Variants in ITFG1 observed in about 807,000 individuals in gnomAD.
The protein encoded by ITFG1 is integrin alpha FG-GAP repeat containing 1, also known as T-cell immunomodulatory protein.
A neutral mutation model predicts 81.8 loss-of-function variants in ITFG1; 34 were observed. That is an observed-to-expected ratio of 0.42 (90% CI 0.32 to 0.55). The LOEUF (loss-of-function observed/expected upper bound fraction) is 0.55. Ranked by LOEUF, ITFG1 falls within the 20% of genes least tolerant of loss-of-function variation. The probability of loss-of-function intolerance (pLI) is 0.17; values close to 1 mark genes in which losing one functional copy is unlikely to be tolerated. For missense variants in ITFG1, 672 were observed against 755.4 expected, an observed-to-expected ratio of 0.89 and a Z score of 1.29; for synonymous variants, 285 against 270.6, an observed-to-expected ratio of 1.05 and a Z score of -0.52.
At chr16:47,439,121 T>C (rs777553066) in intron 5 of ITFG1, among the ~76,000 whole-genome samples, 13 of 151,874 alleles carry the variant, frequency 8.6e-5, no homozygotes, top group South Asian at 2.1e-4. Context: ...GAAGCGTGAA[T>C]AGAAGTTTAG....
At chr16:47,256,533 T>C (rs1966141672) in intron 12 of ITFG1, among the ~76,000 whole-genome samples, 1 of 152,206 alleles carries the variant, frequency 6.6e-6, no homozygotes, top group Non-Finnish European at 1.5e-5. Flanking sequence ...ACTCCAAAAT[T>C]AACATCATAC....
chr16:47,159,519 C>T (rs760461913), intron 16 of ITFG1, among the ~76,000 whole-genome samples: 28 of 152,120 alleles, frequency 1.8e-4, no homozygotes, highest in Non-Finnish European at 2.9e-5. Context: ...GGAGTGTTTA[C>T]ATTACTACAA....
At chr16:47,245,178 C>T (rs1005065937) in intron 12 of ITFG1, among the ~76,000 whole-genome samples, 3 of 152,056 alleles carry the variant, frequency 2.0e-5, no homozygotes, top group Non-Finnish European at 4.4e-5. Context: ...GAAACCCCGT[C>T]TCTACTAAAA....
At chr16:47,400,374 C>T (rs1968645288) in intron 6 of ITFG1, among the ~76,000 whole-genome samples, 1 of 150,948 alleles carries the variant, frequency 6.6e-6, no homozygotes, top group Non-Finnish European at 1.5e-5. Flanking sequence ...GGGTGACAGA[C>T]ACACACACAC....
In ITFG1 at chr16:47,307,353, G is replaced by A. The variant is rs187504465; in HGVS notation, c.1070+3887C>T. ...TTAATATATCTCCATTGGAATTAAT[G>A]GTAGAATTAACTCTCACTGTCTACA... On this transcript the variant is annotated intron_variant, in intron 10 of 17. Coordinates refer to ENST00000320640, the MANE Select transcript of ITFG1 (RefSeq NM_030790.5). Among the ~76,000 whole-genome samples the A allele has an allele frequency of 1.6e-3, 249 of 152,046 alleles. 2 individuals carry two copies. Among genetic ancestry groups the A allele is most frequent in the African/African-American group, 5.5e-3 (230 of 41,460 alleles).
intron 5 of ITFG1, chr16:47,449,337 T>C (rs1442908815): frequency 6.6e-6 from 1 of 152,232 alleles, no homozygotes; most frequent in Non-Finnish European, 1.5e-5. Flanking sequence ...AAAATGTCAA[T>C]GCTGATGACT....
chr16:47,158,516 T>C (rs956647106), intron 17 of ITFG1, among the ~76,000 whole-genome samples: 2 of 152,226 alleles, frequency 1.3e-5, no homozygotes, highest in Admixed American at 1.3e-4. Context: ...CATGGCTTTA[T>C]CAGTACATAC....
chr16:47,260,329 GAAGT>G (rs1288888158), intron 11 of ITFG1, among the ~76,000 whole-genome samples: 1 of 152,182 alleles, frequency 6.6e-6, no homozygotes, highest in Non-Finnish European at 1.5e-5. Context: ...TGCCCAAAAT[GAAGT>G]AAGAGAGTTT....
chr16:47,422,859 T>C (rs1968968896), intron 6 of ITFG1, among the ~76,000 whole-genome samples: 1 of 152,190 alleles, frequency 6.6e-6, no homozygotes, highest in South Asian at 2.1e-4. Flanking sequence ...TGGTCAATTT[T>C]AGAATAAGTG....
intron 8 of ITFG1, among the ~76,000 whole-genome samples, chr16:47,364,613 C>T (rs898598160): frequency 3.3e-5 from 5 of 152,102 alleles, no homozygotes; most frequent in African/African-American, 1.2e-4. Context: ...TATCACTTGA[C>T]TATTGGCATT....
chr16:47,224,697 C>T lies in ITFG1; in HGVS notation c.1375-5751G>A, dbSNP rs192021334. ...ATGCAAAGAAACAGTATGGCTCATACGTCGGGGAAAAAAAAACCAGTCAAA... is the reference window on the plus strand; with the variant it reads ...ATGCAAAGAAACAGTATGGCTCATATGTCGGGGAAAAAAAAACCAGTCAAA... On this transcript the variant is annotated intron_variant, in intron 13 of 17. Transcript: ENST00000320640. Among the ~76,000 whole-genome samples, 50 of 151,980 alleles carry T rather than the reference C, an allele frequency of 3.3e-4. No individual in the cohort carries two copies. In the East Asian group the frequency reaches 6.9e-3, roughly 21 times the overall value.
intron 14 of ITFG1, among the ~76,000 whole-genome samples, chr16:47,206,984 G>A (rs189685267): frequency 2.6e-5 from 4 of 152,172 alleles, no homozygotes; most frequent in East Asian, 3.9e-4. Context: ...GCTTTTATTC[G>A]TTCACTCAAT....
intron 10 of ITFG1, among the ~76,000 whole-genome samples, chr16:47,302,810 T>A (rs1967096719): frequency 6.6e-6 from 1 of 152,178 alleles, no homozygotes. Flanking sequence ...TTATATCAAG[T>A]CTAATTCTCA....
intron 13 of ITFG1, among the ~76,000 whole-genome samples, chr16:47,229,733 G>C (rs1965795076): frequency 6.6e-6 from 1 of 152,100 alleles, no homozygotes; most frequent in Non-Finnish European, 1.5e-5. Context: ...GTGGGAAGAG[G>C]ACTGGGTTTT....
At chr16:47,213,455 C>T (rs932046672) in intron 14 of ITFG1, among the ~76,000 whole-genome samples, 2 of 151,972 alleles carry the variant, frequency 1.3e-5, no homozygotes, top group African/African-American at 4.8e-5. Context: ...GTTCTGTATC[C>T]TTGCTGATTT....
intron 8 of ITFG1, among the ~76,000 whole-genome samples, chr16:47,330,020 T>A (rs1309404958): frequency 1.6e-4 from 24 of 152,066 alleles, no homozygotes; most frequent in Non-Finnish European, 7.4e-5. Flanking sequence ...AGATTCTTAG[T>A]TTCTTCTGGA....
At chr16:47,376,980 A>AAAAAAAAATAAAAAT (rs1567479312) in intron 6 of ITFG1, among the ~76,000 whole-genome samples, 23 of 150,186 alleles carry the variant, frequency 1.5e-4, no homozygotes, top group African/African-American at 5.5e-4. Flanking sequence ...AAAAAAAAAA[A>AAAAAAAAATAAAAAT]AAAAAAAAAA....
At chr16:47,381,300 T>C (rs1968393037) in intron 6 of ITFG1, among the ~76,000 whole-genome samples, 1 of 152,192 alleles carries the variant, frequency 6.6e-6, no homozygotes, top group African/African-American at 2.4e-5. Context: ...TGTTGAAAAT[T>C]GTGATTTCAG....
chr16:47,402,144 A>G (rs1596959488), intron 6 of ITFG1, among the ~76,000 whole-genome samples: 1 of 152,196 alleles, frequency 6.6e-6, no homozygotes, highest in Admixed American at 6.5e-5. Flanking sequence ...TCATTTTTGT[A>G]GCAGAATCTG....
Sources: allele counts gnomAD v4.1 joint callset (sites outside exome capture counted in the v4.1 genomes callset), GRCh38; gene constraint gnomAD v4.1.1; transcripts MANE v1.5; gene names NCBI Gene and HGNC (gene_info 2026-07-23, HGNC 2026-07-21).